The following THADA variants were observed in gnomAD, a reference collection of about 807,000 sequenced individuals.
THADA encodes the protein THADA armadillo repeat containing.
THADA carries 213 observed loss-of-function variants against 219.8 expected under a neutral mutation model. The observed-to-expected ratio is 0.97, with a 90% CI of 0.87 to 1.09. The LOEUF is 1.09. THADA is among the 50% of genes least tolerant of loss of function. The pLI is 0.00. For synonymous variants in THADA, 1,018 were observed against 828.9 expected, an observed-to-expected ratio of 1.23 and a Z score of -3.92; for missense variants, 2,956 against 2,311.3, an observed-to-expected ratio of 1.28 and a Z score of -5.72.
At chr2:43,322,105 G>A (rs947712949) in intron 30 of THADA, among the ~76,000 whole-genome samples, 2 of 151,314 alleles carry the variant, frequency 1.3e-5, no homozygotes, top group Non-Finnish European at 2.9e-5. Context: ...GTATGATCTC[G>A]GCTTACTGCA....
intron 23 of THADA, among the ~76,000 whole-genome samples, chr2:43,508,078 G>A (rs1411877037): frequency 2.0e-5 from 3 of 152,124 alleles, no homozygotes; most frequent in East Asian, 3.8e-4. Flanking sequence ...CCTTTGGTAA[G>A]TCACTTAACG....
intron 28 of THADA, among the ~76,000 whole-genome samples, chr2:43,421,554 T>C (rs922708522): frequency 1.3e-5 from 2 of 152,176 alleles, no homozygotes; most frequent in Admixed American, 6.5e-5. Flanking sequence ...CTTTGGGAAA[T>C]TGGGACAATA....
intron 26 of THADA, among the ~76,000 whole-genome samples, chr2:43,447,634 A>T (rs1371000981): frequency 1.3e-5 from 2 of 152,188 alleles, no homozygotes; most frequent in African/African-American, 4.8e-5. Context: ...TATCCAAGCA[A>T]ATCAGAGTCA....
chr2:43,581,636 A>C, intron 8 of THADA, 105 bp downstream of exon 8: 6 of 978,940 alleles, frequency 6.1e-6, no homozygotes, highest in Non-Finnish European at 9.0e-6. Flanking sequence ...CACATTCCAC[A>C]TCTCAGTTAA....
At position 43,283,243 on chromosome 2, in the gene THADA, C is replaced by G. The variant is rs1454021694; in HGVS notation, c.5165-3347G>C. Among the ~76,000 whole-genome samples the G allele has an allele frequency of 3.3e-5, 5 of 152,324 alleles. No individual in the cohort carries two copies. The East Asian group carries it at 7.7e-4, about 23-fold the overall frequency. On this transcript the variant is annotated intron_variant, in intron 35 of 37. Transcript: ENST00000405975. ...CCATGGAACTGTGAGCCAATTAAACCTCTTTTCTTGATGAATTACCCAGTC... is the reference window on the plus strand; with the variant it reads ...CCATGGAACTGTGAGCCAATTAAACGTCTTTTCTTGATGAATTACCCAGTC...
chr2:43,485,876 A>C (rs1252117268), intron 25 of THADA, among the ~76,000 whole-genome samples: 2 of 152,108 alleles, frequency 1.3e-5, no homozygotes, highest in African/African-American at 4.8e-5. Flanking sequence ...AAAAAAAAAA[A>C]AAGTATTTTT....
chr2:43,375,060 C>G (rs1671220086), intron 29 of THADA, among the ~76,000 whole-genome samples: 1 of 151,682 alleles, frequency 6.6e-6, no homozygotes, highest in Non-Finnish European at 1.5e-5. Context: ...AAAAAAAAAC[C>G]AGAAAAACTA....
At chr2:43,241,980 C>T (rs970474680) in intron 36 of THADA, among the ~76,000 whole-genome samples, 5 of 152,232 alleles carry the variant, frequency 3.3e-5, no homozygotes, top group African/African-American at 9.6e-5. Flanking sequence ...CTCCAACTCT[C>T]TTGGCTTTGA....
chr2:43,492,886 C>G (rs1478890883), intron 25 of THADA, among the ~76,000 whole-genome samples: 1 of 152,166 alleles, frequency 6.6e-6, no homozygotes, highest in Non-Finnish European at 1.5e-5. Flanking sequence ...TAAACTAGCC[C>G]ATATAGTACA....
chr2:43,541,533 G>A (rs962376236), intron 20 of THADA, among the ~76,000 whole-genome samples: 6 of 151,680 alleles, frequency 4.0e-5, no homozygotes, highest in Non-Finnish European at 7.4e-5. Flanking sequence ...TTTGGAGACA[G>A]GGTCTCGCTC....
chr2:43,376,056 T>TA (rs1671348450), intron 29 of THADA, among the ~76,000 whole-genome samples: 2 of 152,206 alleles, frequency 1.3e-5, no homozygotes, highest in African/African-American at 2.4e-5. Context: ...ACAGCATGGT[T>TA]AAAGTTGTAC....
intron 26 of THADA, among the ~76,000 whole-genome samples, chr2:43,458,666 C>G (rs1427317344): frequency 6.6e-6 from 1 of 152,126 alleles, no homozygotes. Flanking sequence ...TTACAAATAT[C>G]AGACCACATG....
intron 28 of THADA, among the ~76,000 whole-genome samples, chr2:43,415,106 T>C (rs540241543): frequency 3.9e-5 from 6 of 152,324 alleles, no homozygotes; most frequent in African/African-American, 1.4e-4. Context: ...TATCTTCCTG[T>C]CAAAACCAAA....
chr2:43,257,348 G>A (rs529649527), intron 36 of THADA, among the ~76,000 whole-genome samples: 1 of 152,318 alleles, frequency 6.6e-6, no homozygotes, highest in South Asian at 2.1e-4. Context: ...CCCAAACCCT[G>A]CGCCTCCCTA....
intron 22 of THADA, among the ~76,000 whole-genome samples, chr2:43,512,737 G>A (rs1348839126): frequency 1.3e-5 from 2 of 152,154 alleles, no homozygotes; most frequent in Admixed American, 6.5e-5. Context: ...CCCAACCTCA[G>A]GTGATCCGCC....
chr2:43,560,558 A>G (rs533367475), intron 15 of THADA, among the ~76,000 whole-genome samples, 173 bp from the exon 16 acceptor site: 1 of 152,256 alleles, frequency 6.6e-6, no homozygotes, highest in Non-Finnish European at 1.5e-5. Flanking sequence ...AAATGACAAA[A>G]TAAGTACTAC....
chr2:43,566,533 G>T, intron 15 of THADA, 165 bp downstream of exon 15: 2 of 809,366 alleles, frequency 2.5e-6, no homozygotes, highest in Non-Finnish European at 4.3e-6. Flanking sequence ...TTCCTCTTCT[G>T]TCCTTTACTA....
intron 28 of THADA, among the ~76,000 whole-genome samples, chr2:43,410,934 G>A (rs1333869937): frequency 2.0e-5 from 3 of 152,148 alleles, no homozygotes; most frequent in Admixed American, 6.5e-5. Flanking sequence ...TATACATTCT[G>A]TCTTGCTTTC....
chr2:43,336,169 G>T (rs1573129541), intron 30 of THADA, among the ~76,000 whole-genome samples: 1 of 152,118 alleles, frequency 6.6e-6, no homozygotes, highest in African/African-American at 2.4e-5. Flanking sequence ...TGAGGTGAGA[G>T]GATCACTTGA....
Sources: gnomAD v4.1 joint callset for allele counts (sites outside exome capture counted in the v4.1 genomes callset) on GRCh38, gnomAD v4.1.1 for gene constraint, MANE v1.5 for transcripts, NCBI Gene and HGNC (gene_info 2026-07-23, HGNC 2026-07-21) for gene names.